VAV3: variants seen among roughly 807,000 people sequenced by gnomAD.
VAV3 encodes vav guanine nucleotide exchange factor 3, also known as guanine nucleotide exchange factor VAV3.
Under a neutral mutation model 131.2 loss-of-function variants are expected in VAV3, and 94 were observed. The observed-to-expected ratio is 0.72, with a 90% confidence interval of 0.61 to 0.85. The LOEUF (loss-of-function observed/expected upper bound fraction) is 0.85. Ranked by LOEUF, VAV3 falls within the 40% of genes least tolerant of loss-of-function variation. VAV3 has a pLI of 0.00. For missense variants in VAV3, 939 were observed against 1,002.7 expected (o/e 0.94, Z 0.86); for synonymous variants, 349 against 342.0 (o/e 1.02, Z -0.22).
In VAV3 at chr1:107,643,104, T is replaced by A. The variant is rs539106828; in HGVS notation, c.1778-349A>T. 6.6e-5 allele frequency among the ~76,000 whole-genome samples: 10 copies of A among 152,282 alleles called. No homozygotes were observed. In the South Asian group the frequency reaches 1.9e-3, roughly 28 times the overall value. On this transcript the variant is annotated intron_variant, in intron 19 of 26. Coordinates refer to ENST00000370056, the MANE Select transcript of VAV3 (RefSeq NM_006113.5). Reference sequence around the variant, plus strand: ...AGAATCAATTTTTTCATCAACTCTATCCTTTCTGCCTATTACTTTCCTCTT... The same window carrying A: ...AGAATCAATTTTTTCATCAACTCTAACCTTTCTGCCTATTACTTTCCTCTT...
chr1:107,936,034 AT>A (rs1430652857), intron 1 of VAV3, among the ~76,000 whole-genome samples: 1 of 152,170 alleles, frequency 6.6e-6, no homozygotes, highest in Non-Finnish European at 1.5e-5. Flanking sequence ...CTGAAATTTT[AT>A]GATTTGGGGA....
intron 25 of VAV3, among the ~76,000 whole-genome samples, chr1:107,595,467 C>T (rs1651301381): frequency 6.6e-6 from 1 of 152,060 alleles, no homozygotes; most frequent in Non-Finnish European, 1.5e-5. Context: ...AAATTGTATT[C>T]ACTTCTTCCC....
chr1:107,805,673 T>C (rs1238190674), intron 2 of VAV3, among the ~76,000 whole-genome samples: 2 of 152,220 alleles, frequency 1.3e-5, no homozygotes, highest in Non-Finnish European at 2.9e-5. Context: ...GTTCCCTTCT[T>C]TGTCCATTTG....
At chr1:107,761,160 C>T (rs369867371) in intron 9 of VAV3, among the ~76,000 whole-genome samples, 44 of 152,138 alleles carry the variant, frequency 2.9e-4, no homozygotes, top group African/African-American at 6.7e-4. Context: ...GAGGCCGAGG[C>T]GGGCAGATCA....
chr1:107,621,272 T>G (rs537727113), intron 20 of VAV3, among the ~76,000 whole-genome samples: 2 of 152,216 alleles, frequency 1.3e-5, no homozygotes, highest in African/African-American at 4.8e-5. Flanking sequence ...AGGTGAGAGA[T>G]AATTTAACCT....
At chr1:107,794,860 A>T (rs1415515134) in intron 2 of VAV3, among the ~76,000 whole-genome samples, 1 of 152,218 alleles carries the variant, frequency 6.6e-6, no homozygotes, top group African/African-American at 2.4e-5. Context: ...AAGGATGTAG[A>T]TAAGTAGCTC....
chr1:107,816,937 G>A (rs1415868545), intron 2 of VAV3, among the ~76,000 whole-genome samples: 4 of 152,098 alleles, frequency 2.6e-5, no homozygotes, highest in Admixed American at 6.5e-5. Flanking sequence ...CATTGAACAC[G>A]GCCAGAGTCT....
At chr1:107,911,166 C>T (rs1332798796) in intron 1 of VAV3, among the ~76,000 whole-genome samples, 1 of 152,130 alleles carries the variant, frequency 6.6e-6, no homozygotes, top group Non-Finnish European at 1.5e-5. Flanking sequence ...CAGTTATTTC[C>T]TATTACGAAA....
chr1:107,879,358 T>C (rs558963603), intron 1 of VAV3, among the ~76,000 whole-genome samples: 14 of 152,328 alleles, frequency 9.2e-5, no homozygotes, highest in Middle Eastern at 3.4e-3. Context: ...GAACGGCTCA[T>C]ATACACAGGA....
chr1:107,671,757 C>T (rs527509872), intron 19 of VAV3, among the ~76,000 whole-genome samples: 1 of 140,816 alleles, frequency 7.1e-6, no homozygotes, highest in African/African-American at 2.8e-5. Flanking sequence ...GGAAGTTAGG[C>T]TTAGTTTGTC....
intron 21 of VAV3, among the ~76,000 whole-genome samples, chr1:107,616,505 G>A (rs1049282359): frequency 2.0e-5 from 3 of 152,102 alleles, no homozygotes; most frequent in Non-Finnish European, 4.4e-5. Context: ...GAAACTGAGT[G>A]ACACAATAAT....
chr1:107,732,624 C>T (rs1481757287), intron 15 of VAV3, among the ~76,000 whole-genome samples: 3 of 152,310 alleles, frequency 2.0e-5, no homozygotes, highest in African/African-American at 2.4e-5. Context: ...CTCAGCAGTC[C>T]GAGATTGAGC....
rs372311923 is a variant in VAV3, at chr1:107,664,049, T to TGCTG, written c.1777+19435_1777+19438dup. On this transcript the variant is annotated intron_variant, in intron 19 of 26. Transcript: ENST00000370056. The stretch of plus-strand genomic sequence containing the variant: ...AAATAAGCAATTAGTAAAATAGGAC[T>TGCTG]GCTGGCTCATTAACAAACCATTTTC... Among the ~76,000 whole-genome samples, 791 of 152,322 alleles carry TGCTG rather than the reference T, an allele frequency of 5.2e-3. 10 individuals carry two copies. Among genetic ancestry groups the TGCTG allele is most frequent in the African/African-American group, 0.018 (732 of 41,574 alleles).
At chr1:107,691,298 T>A (rs1659407950) in intron 17 of VAV3, among the ~76,000 whole-genome samples, 1 of 152,174 alleles carries the variant, frequency 6.6e-6, no homozygotes, top group African/African-American at 2.4e-5. Context: ...AACCTTTTTG[T>A]ATGGAGTATT....
At chr1:107,893,049 AAT>A (rs1671384823) in intron 1 of VAV3, among the ~76,000 whole-genome samples, 1 of 81,026 alleles carries the variant, frequency 1.2e-5, no homozygotes, top group Admixed American at 1.3e-4. Context: ...AAGAATTAAA[AAT>A]ATACACAGAG....
intron 1 of VAV3, among the ~76,000 whole-genome samples, chr1:107,934,953 C>G (rs1673636005): frequency 6.6e-6 from 1 of 152,238 alleles, no homozygotes; most frequent in African/African-American, 2.4e-5. Context: ...GTTGGTAGTA[C>G]ATGAACCCAT....
chr1:107,712,260 T>A (rs1240690318), intron 15 of VAV3, among the ~76,000 whole-genome samples: 4 of 152,218 alleles, frequency 2.6e-5, no homozygotes, highest in Non-Finnish European at 5.9e-5. Flanking sequence ...TAGAGCAAGC[T>A]TGTCCAGCCC....
chr1:107,614,010 T>C (rs1219161808), intron 21 of VAV3, among the ~76,000 whole-genome samples: 1 of 152,136 alleles, frequency 6.6e-6, no homozygotes, highest in Non-Finnish European at 1.5e-5. Flanking sequence ...TGGATGGTTT[T>C]GGATTTAAGA....
At chr1:107,794,172 C>A (rs912635422) in intron 2 of VAV3, among the ~76,000 whole-genome samples, 1 of 152,216 alleles carries the variant, frequency 6.6e-6, no homozygotes, top group Admixed American at 6.5e-5. Context: ...GTAGGACATG[C>A]CACATCAAGT....
Sources: allele counts gnomAD v4.1 joint callset (sites outside exome capture counted in the v4.1 genomes callset), GRCh38; gene constraint gnomAD v4.1.1; transcripts MANE v1.5; gene names NCBI Gene and HGNC (gene_info 2026-07-23, HGNC 2026-07-21).